The following TMEFF1 variants were observed in gnomAD, a reference collection of about 807,000 sequenced individuals.
TMEFF1 encodes transmembrane protein with EGF like and two follistatin like domains 1.
A neutral mutation model predicts 47.5 loss-of-function variants in TMEFF1; 20 were observed. The observed-to-expected ratio is 0.42, with a 90% CI of 0.30 to 0.61. The LOEUF (loss-of-function observed/expected upper bound fraction) is 0.61, where lower values mean the gene tolerates loss of function less well. Among genes scored for constraint, TMEFF1 ranks in the 20% least tolerant of loss-of-function variants. The pLI is 0.19. For missense variants in TMEFF1, 411 were observed against 471.1 expected (o/e 0.87, Z 1.18); for synonymous variants, 162 against 166.3 (o/e 0.97, Z 0.20).
chr9:100,548,441 A>G (rs1838775921), intron 6 of TMEFF1, among the ~76,000 whole-genome samples: 1 of 152,202 alleles, frequency 6.6e-6, no homozygotes, highest in Admixed American at 6.5e-5. Context: ...TAGCTTAGAA[A>G]CCATGATACC....
chr9:100,482,094 A>G (rs1837348564), intron 1 of TMEFF1, among the ~76,000 whole-genome samples: 1 of 151,206 alleles, frequency 6.6e-6, no homozygotes, highest in African/African-American at 2.4e-5. Context: ...CAGTTTTTTA[A>G]AAAAGTTACA....
At chr9:100,527,624 A>T (rs1838288299) in intron 5 of TMEFF1, among the ~76,000 whole-genome samples, 1 of 152,162 alleles carries the variant, frequency 6.6e-6, no homozygotes, top group Admixed American at 6.5e-5. Context: ...CTAGCACAGC[A>T]GTCTGAGATC....
chr9:100,494,470 A>G (rs1587819620), intron 1 of TMEFF1, among the ~76,000 whole-genome samples: 1 of 152,180 alleles, frequency 6.6e-6, no homozygotes, highest in East Asian at 1.9e-4. Context: ...CTATAATGGT[A>G]AGTCTGGAAA....
At chr9:100,482,124 A>C (rs535150386) in intron 1 of TMEFF1, among the ~76,000 whole-genome samples, 2 of 151,776 alleles carry the variant, frequency 1.3e-5, no homozygotes, top group Non-Finnish European at 2.9e-5. Context: ...AGCCATTAAA[A>C]ATCTGGAGGT....
chr9:100,483,788 G>GTT (rs60258093), intron 1 of TMEFF1, among the ~76,000 whole-genome samples: 6,563 of 148,644 alleles, frequency 0.044, 315 homozygotes, highest in South Asian at 0.22. Context: ...CTGTCTGTCT[G>GTT]TTTTTTTTTT....
At chr9:100,552,907 A>G (rs1838851747) in intron 7 of TMEFF1, among the ~76,000 whole-genome samples, 1 of 152,090 alleles carries the variant, frequency 6.6e-6, no homozygotes, top group Non-Finnish European at 1.5e-5. Context: ...GATGTTCAAT[A>G]GCCAGATATG....
intron 5 of TMEFF1, among the ~76,000 whole-genome samples, chr9:100,531,522 A>G (rs1443542621): frequency 6.6e-6 from 1 of 152,118 alleles, no homozygotes; most frequent in South Asian, 2.1e-4. Flanking sequence ...TAGGAATCCA[A>G]CTTACAAGGG....
At chr9:100,488,308 A>G (rs556664660) in intron 1 of TMEFF1, among the ~76,000 whole-genome samples, 31 of 152,330 alleles carry the variant, frequency 2.0e-4, no homozygotes, top group African/African-American at 6.5e-4. Flanking sequence ...TATTATGTCA[A>G]TAATTTAATT....
intron 1 of TMEFF1, among the ~76,000 whole-genome samples, chr9:100,493,743 T>G (rs1837599815): frequency 6.6e-6 from 1 of 152,140 alleles, no homozygotes; most frequent in Non-Finnish European, 1.5e-5. Context: ...TGGGTAATCA[T>G]CATAATCATT....
At chr9:100,542,987 G>A (rs1033171624) in intron 5 of TMEFF1, among the ~76,000 whole-genome samples, 2 of 147,934 alleles carry the variant, frequency 1.4e-5, no homozygotes, top group Admixed American at 6.8e-5. Flanking sequence ...GGAGTGCAGT[G>A]GTGTGATCTT....
At chr9:100,528,362 A>G (rs1410599357) in intron 5 of TMEFF1, among the ~76,000 whole-genome samples, 3 of 146,696 alleles carry the variant, frequency 2.0e-5, no homozygotes, top group Non-Finnish European at 4.5e-5. Flanking sequence ...AGAAGAATGT[A>G]TAACTAGAAT....
intron 5 of TMEFF1, among the ~76,000 whole-genome samples, chr9:100,525,211 A>G (rs2118418829): frequency 6.6e-6 from 1 of 152,294 alleles, no homozygotes; most frequent in South Asian, 2.1e-4. Context: ...TAGATGTCCA[A>G]CAATTCAATT....
chr9:100,483,358 A>G (rs898727576), intron 1 of TMEFF1, among the ~76,000 whole-genome samples: 4 of 152,034 alleles, frequency 2.6e-5, no homozygotes, highest in African/African-American at 9.7e-5. Context: ...TTAGCCGGGC[A>G]TGGTGGCGCA....
At chr9:100,543,158 C>T (rs1431456837) in intron 5 of TMEFF1, among the ~76,000 whole-genome samples, 1 of 152,104 alleles carries the variant, frequency 6.6e-6, no homozygotes, top group African/African-American at 2.4e-5. Context: ...GAACTCCTGA[C>T]CTCAGGTGAT....
At chr9:100,506,811 A>G (rs1016559602) in intron 2 of TMEFF1, among the ~76,000 whole-genome samples, 2 of 151,038 alleles carry the variant, frequency 1.3e-5, no homozygotes, top group African/African-American at 4.9e-5. Context: ...CAGAAATTAT[A>G]TATGTGCTTT....
chr9:100,495,332 C>T (rs1243353426), intron 1 of TMEFF1, among the ~76,000 whole-genome samples: 1 of 151,978 alleles, frequency 6.6e-6, no homozygotes, highest in Non-Finnish European at 1.5e-5. Context: ...TATAATGATC[C>T]TGTATTAGCT....
At chr9:100,485,266 C>G (rs191440947) in intron 1 of TMEFF1, among the ~76,000 whole-genome samples, 1 of 152,188 alleles carries the variant, frequency 6.6e-6, no homozygotes, top group Admixed American at 6.5e-5. Flanking sequence ...CATGGATATT[C>G]ATGTACAAGT....
At chr9:100,482,342 T>C (rs1035227998) in intron 1 of TMEFF1, among the ~76,000 whole-genome samples, 4 of 151,908 alleles carry the variant, frequency 2.6e-5, no homozygotes, top group African/African-American at 9.7e-5. Flanking sequence ...GGATTACAGG[T>C]GCACGCCACC....
chr9:100,480,805 AC>A (rs1416066952), intron 1 of TMEFF1, among the ~76,000 whole-genome samples: 1 of 152,170 alleles, frequency 6.6e-6, no homozygotes, highest in Non-Finnish European at 1.5e-5. Context: ...GCCTTAACTG[AC>A]TTTTTTGGTT....
Sources: allele counts gnomAD v4.1 joint callset (sites outside exome capture counted in the v4.1 genomes callset), GRCh38; gene constraint gnomAD v4.1.1; transcripts MANE v1.5; gene names NCBI Gene and HGNC (gene_info 2026-07-23, HGNC 2026-07-21).